The following FBXO11 variants were observed in gnomAD, a reference collection of about 807,000 sequenced individuals.
FBXO11 encodes the protein F-box protein 11, also known as F-box only protein 11.
Under a neutral mutation model 117.0 loss-of-function variants are expected in FBXO11, and 13 were observed. The observed-to-expected ratio is 0.11, with a 90% CI of 0.07 to 0.18. FBXO11 has a LOEUF of 0.18. Among genes scored for constraint, FBXO11 ranks in the 10% least tolerant of loss-of-function variants. FBXO11 has a pLI of 1.00. For missense variants in FBXO11, 767 were observed against 1,164.4 expected, an observed-to-expected ratio of 0.66 and a Z score of 4.97; for synonymous variants, 490 against 380.5, an observed-to-expected ratio of 1.29 and a Z score of -3.35.
intron 1 of FBXO11, among the ~76,000 whole-genome samples, chr2:47,875,368 T>C (rs1675922805): frequency 6.6e-6 from 1 of 152,180 alleles, no homozygotes; most frequent in Admixed American, 6.5e-5. Flanking sequence ...AATTCGTATG[T>C]CTCCTAAATT....
At chr2:47,899,538 A>G (rs987081875) in intron 1 of FBXO11, among the ~76,000 whole-genome samples, 6 of 152,206 alleles carry the variant, frequency 3.9e-5, no homozygotes, top group African/African-American at 1.4e-4. Flanking sequence ...AGGCTCAGAG[A>G]GGTAACATTG....
chr2:47,862,739 C>T (rs935432546), intron 1 of FBXO11, among the ~76,000 whole-genome samples: 7 of 152,084 alleles, frequency 4.6e-5, no homozygotes, highest in African/African-American at 1.4e-4. Context: ...GAACAATTAG[C>T]CCAAAGACTT....
rs2104603135 is a variant in FBXO11 at position 47,807,486 on chromosome 2, G to GAT, written c.*630_*631dup. Reference sequence around the variant, plus strand: ...AGAAACATTGCTGGATATAATTTAAGATTAGTGTTTTCTCTTTCATAGAAA... The same window carrying GAT: ...AGAAACATTGCTGGATATAATTTAAGATATTAGTGTTTTCTCTTTCATAGAAA... On this transcript the variant is annotated 3_prime_UTR_variant, in exon 23 of 23. Coordinates refer to ENST00000403359, the MANE Select transcript of FBXO11 (RefSeq NM_001190274.2). The GAT allele has an allele frequency of 4.8e-6, 1 of 206,850 alleles. No individual in the cohort carries two copies. The highest frequency in any genetic ancestry group is 2.3e-5 in the African/African-American group (1 of 43,514). 12.8% of individuals were successfully genotyped at this position (206,850 alleles called of 1,614,324 possible).
chr2:47,898,126 A>T (rs776619276), intron 1 of FBXO11, among the ~76,000 whole-genome samples: 6 of 152,224 alleles, frequency 3.9e-5, no homozygotes, highest in Admixed American at 2.0e-4. Context: ...CAATTAACAT[A>T]CTGAACTCAC....
chr2:47,893,575 T>G lies in FBXO11; in HGVS notation c.232+11914A>C, dbSNP rs10168490. Among the ~76,000 whole-genome samples the G allele has an allele frequency of 4.8e-3, 725 of 152,324 alleles. 3 individuals carry two copies. Among genetic ancestry groups the G allele is most frequent in the Admixed American group, 0.014 (214 of 15,302 alleles). On this transcript the variant is annotated intron_variant, in intron 1 of 22. Coordinates refer to ENST00000403359, the MANE Select transcript of FBXO11 (RefSeq NM_001190274.2). ...TAAAACCAAGAAGCTTACTTGCAAT[T>G]CAGACTAATTTCAAATTTTATTTAA...
At chr2:47,868,840 T>C (rs1675396982) in intron 1 of FBXO11, among the ~76,000 whole-genome samples, 1 of 152,182 alleles carries the variant, frequency 6.6e-6, no homozygotes, top group Non-Finnish European at 1.5e-5. Context: ...GCAGGTGGAT[T>C]ACACTGGACC....
chr2:47,898,904 G>A (rs1347829383), intron 1 of FBXO11, among the ~76,000 whole-genome samples: 1 of 151,780 alleles, frequency 6.6e-6, no homozygotes, highest in Non-Finnish European at 1.5e-5. Flanking sequence ...TACTTACTAT[G>A]CATCTTCATT....
At chr2:47,816,959 A>T (rs1360958653) in intron 16 of FBXO11, among the ~76,000 whole-genome samples, 7 of 152,172 alleles carry the variant, frequency 4.6e-5, no homozygotes, top group Admixed American at 4.6e-4. Flanking sequence ...CATCAGCTTA[A>T]CTAACCCTTA....
Position 47,896,749 on chromosome 2 carries a change from G to T in FBXO11, c.232+8740C>A, listed in dbSNP as rs539776250. ...TTTCAGAGAATTAATGAAGACATCAGTCATTCATATGTAAGTGTGAAGTAG... is the reference window on the plus strand; with the variant it reads ...TTTCAGAGAATTAATGAAGACATCATTCATTCATATGTAAGTGTGAAGTAG... On this transcript the variant is annotated intron_variant, in intron 1 of 22. Transcript: ENST00000403359. 6.6e-5 allele frequency among the ~76,000 whole-genome samples: 10 copies of T among 152,300 alleles called. No homozygotes were observed. In the East Asian group the frequency reaches 1.9e-3, roughly 29 times the overall value.
intron 19 of FBXO11, 30 bp from the exon 20 acceptor site, chr2:47,809,737 C>A (rs543514855): frequency 6.9e-7 from 1 of 1,440,246 alleles, no homozygotes; most frequent in South Asian, 1.1e-5. Context: ...CAAGTAGATA[C>A]ATCACTTTAT....
intron 1 of FBXO11, among the ~76,000 whole-genome samples, chr2:47,890,008 G>A (rs1003984918): frequency 6.6e-6 from 1 of 152,182 alleles, no homozygotes; most frequent in Non-Finnish European, 1.5e-5. Flanking sequence ...TGGAAAGAAA[G>A]AATCACTGGT....
chr2:47,869,669 A>G (rs1435441803), intron 1 of FBXO11, among the ~76,000 whole-genome samples: 1 of 152,228 alleles, frequency 6.6e-6, no homozygotes, highest in African/African-American at 2.4e-5. Flanking sequence ...GGTAGTTATA[A>G]AGAAGTTATA....
chr2:47,826,206 C>T lies in FBXO11; in HGVS notation c.1399-2846G>A, dbSNP rs368153141. Among the ~76,000 whole-genome samples, 12 of 151,768 alleles carry T rather than the reference C, an allele frequency of 7.9e-5. No individual in the cohort carries two copies. In the East Asian group the frequency reaches 1.8e-3, roughly 22 times the overall value. ...CCCGAGTAGCTGGGACTACAGGTGC[C>T]GCCACCATGCCCAGCTAATTTTTTG... On this transcript the variant is annotated intron_variant, in intron 11 of 22. Transcript: ENST00000403359.
At chr2:47,815,438 T>G (rs1208625266) in intron 16 of FBXO11, among the ~76,000 whole-genome samples, 1 of 152,170 alleles carries the variant, frequency 6.6e-6, no homozygotes, top group African/African-American at 2.4e-5. Context: ...AATTCTGGTT[T>G]CTGGGACTCA....
At chr2:47,853,326 T>C (rs1451313136) in intron 1 of FBXO11, among the ~76,000 whole-genome samples, 1 of 152,026 alleles carries the variant, frequency 6.6e-6, no homozygotes, top group Non-Finnish European at 1.5e-5. Context: ...TGCCTCGGCC[T>C]CCCACAGTGC....
chr2:47,873,316 C>T (rs904484766), intron 1 of FBXO11, among the ~76,000 whole-genome samples: 1 of 152,186 alleles, frequency 6.6e-6, no homozygotes, highest in Non-Finnish European at 1.5e-5. Flanking sequence ...CAGCTTTCCG[C>T]CTTGATGGTA....
intron 1 of FBXO11, among the ~76,000 whole-genome samples, chr2:47,875,057 T>C (rs1332256165): frequency 6.6e-6 from 1 of 152,124 alleles, no homozygotes; most frequent in African/African-American, 2.4e-5. Context: ...CTGACTTCAT[T>C]TATATGCTCA....
At chr2:47,890,020 C>A (rs146513859) in intron 1 of FBXO11, among the ~76,000 whole-genome samples, 9 of 152,314 alleles carry the variant, frequency 5.9e-5, no homozygotes, top group African/African-American at 1.9e-4. Context: ...ATCACTGGTT[C>A]AGAGTCCCAA....
rs977116870 is a variant in FBXO11, at chr2:47,807,334, C to CTTTTG, written c.*779_*783dup. The CTTTTG allele has an allele frequency of 1.7e-4, 36 of 213,368 alleles. No homozygotes were observed. Among genetic ancestry groups the CTTTTG allele is most frequent in the African/African-American group, 7.9e-4 (35 of 44,194 alleles). 13.2% of individuals were successfully genotyped at this position (213,368 alleles called of 1,614,324 possible). A position where few individuals can be genotyped will look rare whatever the true frequency, so the allele number is the denominator to read the frequency against. ...TTCACAAAACTGAGTTACAAGAATACTTTTGTTTTACAGTGCATCCCTTCC... is the reference window on the plus strand; with the variant it reads ...TTCACAAAACTGAGTTACAAGAATACTTTTGTTTTGTTTTACAGTGCATCCCTTCC... On this transcript the variant is annotated 3_prime_UTR_variant, in exon 23 of 23. Transcript: ENST00000403359.
Sources: gnomAD v4.1 joint callset for allele counts (sites outside exome capture counted in the v4.1 genomes callset) on GRCh38, gnomAD v4.1.1 for gene constraint, MANE v1.5 for transcripts, NCBI Gene and HGNC (gene_info 2026-07-23, HGNC 2026-07-21) for gene names.